Variants in MDGA1 observed in about 807,000 individuals in gnomAD.
MDGA1 encodes MAM domain-containing glycosylphosphatidylinositol anchor protein 1.
MDGA1 carries 54 observed loss-of-function variants against 101.5 expected under a neutral mutation model. The ratio of observed to expected loss-of-function variants is 0.53; its 90% CI spans 0.43 to 0.67. MDGA1 has a LOEUF of 0.67. Among genes scored for constraint, MDGA1 ranks in the 30% least tolerant of loss-of-function variants. The pLI, the probability that MDGA1 is intolerant of heterozygous loss-of-function variation, is 0.00. For synonymous variants in MDGA1, 533 were observed against 558.3 expected (o/e 0.95, Z 0.64); for missense variants, 1,083 against 1,323.8 (o/e 0.82, Z 2.82).
At chr6:37,660,532 G>T (rs1384587395) in intron 2 of MDGA1, among the ~76,000 whole-genome samples, 1 of 151,832 alleles carries the variant, frequency 6.6e-6, no homozygotes. Context: ...CTATCTCTAG[G>T]GTACTGAGGC....
chr6:37,653,245 G>C (rs1761408956), intron 6 of MDGA1, among the ~76,000 whole-genome samples: 1 of 152,188 alleles, frequency 6.6e-6, no homozygotes, highest in Non-Finnish European at 1.5e-5. Flanking sequence ...AGGCCAAATG[G>C]AATCAGGTGG....
At chr6:37,643,463 G>T (rs1764140739) in intron 14 of MDGA1, 1 of 202,870 alleles carries the variant, frequency 4.9e-6, no homozygotes, top group South Asian at 9.9e-5. Flanking sequence ...GTAGAGACGG[G>T]GTTTCACCGT....
rs78292279 is a variant in MDGA1, at chr6:37,655,022, A to G, written c.580-90T>C. 22,238 of 1,481,138 alleles carry G rather than the reference A, an allele frequency of 0.015. 246 individuals carry two copies. Among genetic ancestry groups the G allele is most frequent in the Middle Eastern group, 0.043 (177 of 4,160 alleles). The allele number at this position is 1,481,138 out of a possible 1,614,324, so 91.7% of individuals were successfully genotyped here. ...TTCACCCAGCACCAGAGCCTACCAC[A>G]AATGCCTGTCTAATTCCTCTCTTTC... On this transcript the variant is annotated intron_variant, in intron 4 of 16. Coordinates refer to ENST00000434837, the MANE Select transcript of MDGA1 (RefSeq NM_153487.4). The surrounding 1 kb of genome is among the most constrained non-coding windows in gnomAD (Gnocchi z 5.1).
chr6:37,653,287 A>G (rs1761409608), intron 6 of MDGA1, among the ~76,000 whole-genome samples: 1 of 152,246 alleles, frequency 6.6e-6, no homozygotes, highest in African/African-American at 2.4e-5. Flanking sequence ...GAAAAGTACC[A>G]TCGAAGGAAA....
In MDGA1 at chr6:37,641,290, C is replaced by T. The variant is rs149596234; in HGVS notation, c.2536+2519G>A. Among the ~76,000 whole-genome samples, 282 of 152,304 alleles carry T rather than the reference C, an allele frequency of 1.9e-3. 2 individuals are homozygous for T. The highest frequency in any genetic ancestry group is 0.01 in the Middle Eastern group (3 of 294). ...GAAGTGCCATGGAAATGCCAGCCAA[C>T]GGGCACCATCTAAGATTGATTCCCC... On this transcript the variant is annotated intron_variant, in intron 14 of 16. Coordinates refer to ENST00000434837, the MANE Select transcript of MDGA1 (RefSeq NM_153487.4).
In MDGA1 at chr6:37,646,287, C is replaced by G. The variant is rs151307834; in HGVS notation, c.2135G>C (p.Arg712Pro). The G allele has an allele frequency of 1.9e-6, 3 of 1,602,620 alleles. No homozygotes were observed. Among genetic ancestry groups the G allele is most frequent in the African/African-American group, 2.7e-5 (2 of 74,684 alleles). Reference protein sequence around the residue: ...QLLEYILTDLRVPHSYEVRLT... With the variant: ...QLLEYILTDLPVPHSYEVRLT... ...GCGGACCTCATAGCTGTGGGGCACACGGAGATCGGTCAGGATGTACTCCAG... is the reference window on the plus strand; with the variant it reads ...GCGGACCTCATAGCTGTGGGGCACAGGGAGATCGGTCAGGATGTACTCCAG... The change falls in exon 11 of 17, where the codon CGT (arginine) becomes CCT (proline). Residue 712 changes from arginine to proline, a missense_variant. Arg to Pro is a moderately radical substitution (Grantham distance 103, BLOSUM62 -2). Around this residue, in one of 3 missense-constraint regions of MDGA1, gnomAD observed 657 missense variants for 771.4 expected, o/e 0.85. Transcript: ENST00000434837.
chr6:37,657,269 C>G (rs1014495597), intron 3 of MDGA1, among the ~76,000 whole-genome samples: 1 of 152,200 alleles, frequency 6.6e-6, no homozygotes, highest in Non-Finnish European at 1.5e-5. Flanking sequence ...TTTAAAGGGT[C>G]CCCTAGAGAG....
intron 10 of MDGA1, 64 bp downstream of exon 10, chr6:37,647,109 C>T (rs2114011755): frequency 6.9e-7 from 1 of 1,456,430 alleles, no homozygotes; most frequent in Non-Finnish European, 9.4e-7. Flanking sequence ...CCTTGATGAG[C>T]ATTTCCAGGG....
At chr6:37,687,731 C>G (rs745961120) in intron 1 of MDGA1, among the ~76,000 whole-genome samples, 2 of 152,060 alleles carry the variant, frequency 1.3e-5, no homozygotes, top group African/African-American at 2.4e-5. Flanking sequence ...CTCAGCCTCC[C>G]AATGTGCTGG....
intron 3 of MDGA1, 24 bp downstream of exon 3, chr6:37,658,221 G>A (rs1399672895): frequency 6.5e-7 from 1 of 1,547,754 alleles, no homozygotes; most frequent in Middle Eastern, 1.9e-4. Context: ...TCAGGGCCCG[G>A]GGAGAGAGGG....
At chr6:37,693,621 C>T (rs1332460148) in intron 1 of MDGA1, among the ~76,000 whole-genome samples, 11 of 152,328 alleles carry the variant, frequency 7.2e-5, no homozygotes, top group South Asian at 6.2e-4. Context: ...GGACAGAAGG[C>T]GGGGTGTTCC....
At chr6:37,681,922 C>T (rs1252426339) in intron 1 of MDGA1, among the ~76,000 whole-genome samples, 1 of 152,228 alleles carries the variant, frequency 6.6e-6, no homozygotes, top group Non-Finnish European at 1.5e-5. Flanking sequence ...GGGCATCCCT[C>T]AGTAGCAAGC....
rs558111655 is a variant in MDGA1 at position 37,635,224 on chromosome 6, C to T, written c.*2144G>A. On this transcript the variant is annotated 3_prime_UTR_variant, in exon 17 of 17. Transcript: ENST00000434837. ...GACTCTGGTGGTTCTATTCTGCAGG[C>T]AAGGCCAGGAACCACTGATTACAGA... 5.3e-6 allele frequency: 2 copies of T among 380,846 alleles called. No homozygotes were observed. Among genetic ancestry groups the T allele is most frequent in the East Asian group, 3.8e-5 (1 of 26,554 alleles). The allele number at this position is 380,846 out of a possible 1,614,324, so 23.6% of individuals were successfully genotyped here.
intron 1 of MDGA1, among the ~76,000 whole-genome samples, chr6:37,679,702 C>T (rs1561860499): frequency 6.6e-6 from 1 of 152,226 alleles, no homozygotes; most frequent in Non-Finnish European, 1.5e-5. Context: ...AGCAAACCCT[C>T]CTCCGAACAG....
rs999420709 is a variant in MDGA1, at chr6:37,631,494, T to A, written c.*5874A>T. On this transcript the variant is annotated 3_prime_UTR_variant, in exon 17 of 17. Transcript: ENST00000434837. ...TGTAATCTGAGCTTCAGTTTCCCCATCTGGAACATGGAAGTGAAACTGCCC... is the reference window on the plus strand; with the variant it reads ...TGTAATCTGAGCTTCAGTTTCCCCAACTGGAACATGGAAGTGAAACTGCCC... 5 of 152,154 alleles carry A rather than the reference T, an allele frequency of 3.3e-5. No individual in the cohort carries two copies. Among genetic ancestry groups the A allele is most frequent in the African/African-American group, 1.2e-4 (5 of 41,436 alleles). The allele number at this position is 152,154 out of a possible 1,614,324, so 9.4% of individuals were successfully genotyped here. A position where few individuals can be genotyped will look rare whatever the true frequency, so the allele number is the denominator to read the frequency against.
intron 1 of MDGA1, among the ~76,000 whole-genome samples, chr6:37,668,189 T>A (rs1337531925): frequency 1.3e-5 from 2 of 149,352 alleles, no homozygotes; most frequent in Non-Finnish European, 2.9e-5. Flanking sequence ...AATTCAAGGC[T>A]GCAATGAGCT....
At chr6:37,686,990 T>C (rs996252358) in intron 1 of MDGA1, among the ~76,000 whole-genome samples, 2 of 152,168 alleles carry the variant, frequency 1.3e-5, no homozygotes, top group Non-Finnish European at 1.5e-5. Context: ...AGGGAATGCC[T>C]TCAGAAACCT....
Position 37,654,257 on chromosome 6 carries a change from C to T in MDGA1, c.982+17G>A. ...CTGCCTCACAACTTCCCTCCCACCC[C>T]TTCTGAGGCCACGTACATCGCACCA... On this transcript the variant is annotated intron_variant, in intron 6 of 16. Coordinates refer to ENST00000434837, the MANE Select transcript of MDGA1 (RefSeq NM_153487.4). The T allele has an allele frequency of 6.6e-7, 1 of 1,523,842 alleles. No individual in the cohort carries two copies. The highest frequency in any genetic ancestry group is 8.8e-7 in the Non-Finnish European group (1 of 1,135,748). 94.4% of individuals were successfully genotyped at this position (1,523,842 alleles called of 1,614,324 possible). A position where few individuals can be genotyped will look rare whatever the true frequency, so the allele number is the denominator to read the frequency against.
chr6:37,682,519 A>C (rs1762118012), intron 1 of MDGA1, among the ~76,000 whole-genome samples: 1 of 152,186 alleles, frequency 6.6e-6, no homozygotes, highest in Non-Finnish European at 1.5e-5. Context: ...AAAACTGAAC[A>C]GGTAGAAACA....
Sources: gnomAD v4.1 joint callset for allele counts (sites outside exome capture counted in the v4.1 genomes callset) on GRCh38, gnomAD v4.1.1 for gene constraint, gnomAD v4.1.1 regional missense constraint, Gnocchi (gnomAD v3.1) non-coding constraint, MANE v1.5 for transcripts, NCBI Gene and HGNC (gene_info 2026-07-23, HGNC 2026-07-21) for gene names.